Variants in SHC3 observed in about 807,000 individuals in gnomAD.
The protein encoded by SHC3 is SHC-transforming protein 3.
SHC3 carries 15 observed loss-of-function variants against 60.4 expected under a neutral mutation model. The ratio of observed to expected loss-of-function variants is 0.25; its 90% confidence interval spans 0.17 to 0.38. SHC3 has a LOEUF of 0.38. Among genes scored for constraint, SHC3 ranks in the 10% least tolerant of loss-of-function variants. The pLI is 1.00. For missense variants in SHC3, 677 were observed against 786.1 expected, an observed-to-expected ratio of 0.86 and a Z score of 1.66; for synonymous variants, 294 against 325.9, an observed-to-expected ratio of 0.90 and a Z score of 1.05.
rs1388616096 is a variant in SHC3, at chr9:89,006,893, GT to G, written c.*6553del. The G allele has an allele frequency of 1.3e-5, 2 of 152,274 alleles. No homozygotes were observed. Among genetic ancestry groups the G allele is most frequent in the East Asian group, 3.9e-4 (2 of 5,190 alleles). The allele number at this position is 152,274 out of a possible 1,614,324, so 9.4% of individuals were successfully genotyped here. ...TTTTAATTGTCACTTGATTTTGATG[GT>G]TAGAAACTTTGGTTATGGTAAAAAT... On this transcript the variant is annotated 3_prime_UTR_variant, in exon 12 of 12. Coordinates refer to ENST00000375835, the MANE Select transcript of SHC3 (RefSeq NM_016848.6).
At chr9:89,059,472 T>C (rs1825029200) in intron 6 of SHC3, among the ~76,000 whole-genome samples, 1 of 126,854 alleles carries the variant, frequency 7.9e-6, no homozygotes, top group African/African-American at 3.1e-5. Context: ...GAGGACATGG[T>C]GGGGGGCGGT....
intron 2 of SHC3, 88 bp from the exon 3 acceptor site, chr9:89,077,991 T>A (rs768140967): frequency 3.5e-6 from 5 of 1,428,334 alleles, no homozygotes; most frequent in Admixed American, 3.4e-5. Context: ...CCAAAGAAAA[T>A]AACTGCCTGT....
chr9:89,068,336 G>A (rs57033839), intron 5 of SHC3, among the ~76,000 whole-genome samples: 12,516 of 152,158 alleles, frequency 0.082, 1,672 homozygotes, highest in African/African-American at 0.29. Context: ...TATCTTGTTT[G>A]CTATTTCAAA....
At chr9:89,081,192 C>T (rs1825439504) in intron 2 of SHC3, among the ~76,000 whole-genome samples, 1 of 152,168 alleles carries the variant, frequency 6.6e-6, no homozygotes. Flanking sequence ...TAACATTTCA[C>T]AGTCAACAAA....
chr9:89,163,267 T>C (rs1291724468), intron 1 of SHC3, among the ~76,000 whole-genome samples: 1 of 152,126 alleles, frequency 6.6e-6, no homozygotes, highest in Non-Finnish European at 1.5e-5. Context: ...GAACTATAAA[T>C]CATGCTGCTA....
chr9:89,129,371 G>C (rs1826209578), intron 1 of SHC3, among the ~76,000 whole-genome samples: 1 of 152,118 alleles, frequency 6.6e-6, no homozygotes, highest in Non-Finnish European at 1.5e-5. Flanking sequence ...AACCTAGCAA[G>C]GTAGGCCAAC....
intron 2 of SHC3, among the ~76,000 whole-genome samples, chr9:89,092,801 T>C (rs534160085): frequency 6.6e-6 from 1 of 151,998 alleles, no homozygotes; most frequent in South Asian, 2.1e-4. Context: ...TGGAAAGCTA[T>C]TAACACTGGT....
In SHC3 at chr9:89,062,077, CCTT is replaced by C. The variant is rs978522798; in HGVS notation, c.835+3449_835+3451del. On this transcript the variant is annotated intron_variant, in intron 6 of 11. Transcript: ENST00000375835. ...AATTATAAAGTATACGAATTACATG[CCTT>C]CTGTAGGCAGTCGTATGCCTAATTT... Among the ~76,000 whole-genome samples the C allele has an allele frequency of 3.9e-4, 60 of 152,278 alleles. 2 individuals carry two copies. The highest frequency in any genetic ancestry group is 3.5e-3 in the Admixed American group (54 of 15,292).
rs758307360 is a variant in SHC3 at position 89,115,044 on chromosome 9, C to T, written c.475-2418G>A. Reference sequence around the variant, plus strand: ...GGTTATGTGACTCGCACAACCAAGTCACAGGGTTATTTGAATACCATGACC... The same window carrying T: ...GGTTATGTGACTCGCACAACCAAGTTACAGGGTTATTTGAATACCATGACC... On this transcript the variant is annotated intron_variant, in intron 1 of 11. Coordinates refer to ENST00000375835, the MANE Select transcript of SHC3 (RefSeq NM_016848.6). Among the ~76,000 whole-genome samples the T allele has an allele frequency of 6.6e-4, 100 of 152,164 alleles. 1 individual carries two copies. The highest frequency in any genetic ancestry group is 3.9e-4 in the Admixed American group (6 of 15,276).
intron 11 of SHC3, among the ~76,000 whole-genome samples, chr9:89,024,605 A>C (rs1321245474): frequency 6.6e-6 from 1 of 152,260 alleles, no homozygotes; most frequent in African/African-American, 2.4e-5. Flanking sequence ...GTCCTGCTTC[A>C]CAGGACCGTT....
intron 2 of SHC3, among the ~76,000 whole-genome samples, chr9:89,092,854 A>G (rs1248754105): frequency 6.6e-6 from 1 of 151,994 alleles, no homozygotes; most frequent in Non-Finnish European, 1.5e-5. Context: ...TGTTTGACTC[A>G]TTATGAAAAG....
chr9:89,079,363 C>T (rs188998425), intron 2 of SHC3, among the ~76,000 whole-genome samples: 1 of 152,300 alleles, frequency 6.6e-6, no homozygotes, highest in East Asian at 1.9e-4. Context: ...TACAGTGAAT[C>T]GCTGCATTGT....
At chr9:89,089,480 T>C (rs1413309908) in intron 2 of SHC3, among the ~76,000 whole-genome samples, 3 of 152,042 alleles carry the variant, frequency 2.0e-5, no homozygotes, top group Non-Finnish European at 2.9e-5. Flanking sequence ...CTCCAGACCT[T>C]AAAGCTCACA....
intron 4 of SHC3, among the ~76,000 whole-genome samples, chr9:89,071,865 T>C (rs1825278123): frequency 6.6e-6 from 1 of 152,220 alleles, no homozygotes; most frequent in Non-Finnish European, 1.5e-5. Flanking sequence ...GCAGCCAGCA[T>C]CTGCCAACGA....
intron 11 of SHC3, among the ~76,000 whole-genome samples, chr9:89,020,698 A>G (rs948528168): frequency 1.3e-5 from 2 of 152,188 alleles, no homozygotes; most frequent in Admixed American, 6.5e-5. Context: ...CAAAATGGGC[A>G]GGCCAACCTC....
chr9:89,173,249 C>T (rs1826895456), intron 1 of SHC3, among the ~76,000 whole-genome samples: 1 of 152,226 alleles, frequency 6.6e-6, no homozygotes, highest in Non-Finnish European at 1.5e-5. Flanking sequence ...GCTCTAATGT[C>T]CCCTACCCTA....
In SHC3 at chr9:89,007,140, G is replaced by A. The variant is rs971204465; in HGVS notation, c.*6307C>T. ...AAGGATTCATCAATTCAGAGCATCT[G>A]TGACAGCCAGGAGGAGGAAAGAAGG... On this transcript the variant is annotated 3_prime_UTR_variant, in exon 12 of 12. Coordinates refer to ENST00000375835, the MANE Select transcript of SHC3 (RefSeq NM_016848.6). The A allele has an allele frequency of 1.3e-5, 2 of 152,220 alleles. No homozygotes were observed. The highest frequency in any genetic ancestry group is 4.8e-5 in the African/African-American group (2 of 41,454). The allele number at this position is 152,220 out of a possible 1,614,324, so 9.4% of individuals were successfully genotyped here.
intron 1 of SHC3, among the ~76,000 whole-genome samples, chr9:89,172,262 C>G (rs906219833): frequency 6.6e-6 from 1 of 152,148 alleles, no homozygotes; most frequent in Non-Finnish European, 1.5e-5. Context: ...GCAACTCTGA[C>G]GTGGCCACTC....
intron 1 of SHC3, among the ~76,000 whole-genome samples, chr9:89,170,879 T>C (rs1257215554): frequency 1.3e-5 from 2 of 152,208 alleles, no homozygotes; most frequent in Admixed American, 1.3e-4. Flanking sequence ...CATAAGTTAT[T>C]TGCAAATACT....
Sources: allele counts gnomAD v4.1 joint callset (sites outside exome capture counted in the v4.1 genomes callset), GRCh38; gene constraint gnomAD v4.1.1; transcripts MANE v1.5; gene names NCBI Gene and HGNC (gene_info 2026-07-23, HGNC 2026-07-21).